CELF2: variants seen among roughly 807,000 people sequenced by gnomAD.
CELF2 encodes CUG triplet repeat RNA-binding protein 2.
Under a neutral mutation model 62.6 loss-of-function variants are expected in CELF2, and 8 were observed. The observed-to-expected ratio is 0.13, with a 90% confidence interval of 0.07 to 0.23. CELF2 has a LOEUF of 0.23. Among genes scored for constraint, CELF2 ranks in the 10% least tolerant of loss-of-function variants. CELF2 has a pLI of 1.00. For missense variants in CELF2, 333 were observed against 671.0 expected, an observed-to-expected ratio of 0.50 and a Z score of 5.56; for synonymous variants, 258 against 250.0, an observed-to-expected ratio of 1.03 and a Z score of -0.30.
intron 8 of CELF2, among the ~76,000 whole-genome samples, chr10:11,282,903 GC>G (rs1330006066): frequency 1.3e-5 from 2 of 152,190 alleles, no homozygotes; most frequent in East Asian, 3.9e-4. Context: ...GAAACGTGAG[GC>G]CCTGCCTCAC....
At chr10:10,758,581 A>G in the CELF2 span, among the ~76,000 whole-genome samples, 2 of 152,224 alleles carry the variant, frequency 1.3e-5, no homozygotes, top group African/African-American at 4.8e-5. Flanking sequence ...GTGTCTACAC[A>G]GAGTGGGAAT....
chr10:11,305,366 C>T lies in CELF2; in HGVS notation c.977-8773C>T, dbSNP rs570001470. ...AGTCCTCATGCCCACACCTGGGTGC[C>T]GGCGCCCATCCTGCATCCCTCACGG... On this transcript the variant is annotated intron_variant, in intron 9 of 12. Coordinates refer to ENST00000633077, the MANE Select transcript of CELF2 (RefSeq NM_001326342.2). The surrounding 1 kb of genome is among the most constrained non-coding windows in gnomAD (Gnocchi z 4.8). Among the ~76,000 whole-genome samples the T allele has an allele frequency of 7.9e-5, 12 of 152,286 alleles. No homozygotes were observed. Among genetic ancestry groups the T allele is most frequent in the African/African-American group, 2.4e-4 (10 of 41,568 alleles).
intron 3 of CELF2, among the ~76,000 whole-genome samples, chr10:11,230,895 G>C (rs1431905935): frequency 1.3e-5 from 2 of 152,238 alleles, no homozygotes; most frequent in African/African-American, 4.8e-5. Context: ...AAGCATCGGA[G>C]TGTAGAGTCC....
chr10:10,770,125 T>C, the CELF2 span, among the ~76,000 whole-genome samples: 20 of 152,238 alleles, frequency 1.3e-4, no homozygotes, highest in Admixed American at 6.5e-4. Flanking sequence ...TGATGAGAGC[T>C]TCTAGATGGA....
At chr10:11,069,847 G>A (rs113357778) in intron 1 of CELF2, among the ~76,000 whole-genome samples, 1 of 152,220 alleles carries the variant, frequency 6.6e-6, no homozygotes, top group Admixed American at 6.5e-5. Context: ...ATGCAGCTAC[G>A]AAAAGAACCA....
intron 2 of CELF2, among the ~76,000 whole-genome samples, chr10:10,994,907 G>T (rs893601134): frequency 7.2e-5 from 11 of 152,068 alleles, no homozygotes; most frequent in African/African-American, 1.9e-4. Context: ...AGTCTCCTCT[G>T]CAGGGCTATC....
At chr10:10,748,482 C>T in the CELF2 span, among the ~76,000 whole-genome samples, 10 of 152,208 alleles carry the variant, frequency 6.6e-5, no homozygotes, top group Admixed American at 1.3e-4. Flanking sequence ...GGCGCGGTGG[C>T]TCACGCCTGT....
the CELF2 span, among the ~76,000 whole-genome samples, chr10:10,616,295 G>GGTGTGT: frequency 7.0e-3 from 1,008 of 143,940 alleles, 12 homozygotes; most frequent in African/African-American, 0.02. Context: ...TTTTGTTTGG[G>GGTGTGT]GTGTGTGTGT....
At chr10:10,721,965 C>G in the CELF2 span, among the ~76,000 whole-genome samples, 4 of 152,140 alleles carry the variant, frequency 2.6e-5, no homozygotes, top group Non-Finnish European at 5.9e-5. Flanking sequence ...TTAAACGAGG[C>G]ATAGTTCAGG....
At chr10:11,093,250 A>C (rs919443223) in intron 1 of CELF2, among the ~76,000 whole-genome samples, 1 of 123,626 alleles carries the variant, frequency 8.1e-6, no homozygotes, top group Non-Finnish European at 1.7e-5. Context: ...TTATTGGGCC[A>C]CAGTTTGGTG....
the CELF2 span, among the ~76,000 whole-genome samples, chr10:10,595,766 T>C: frequency 1.3e-5 from 2 of 152,270 alleles, no homozygotes; most frequent in East Asian, 3.9e-4. Context: ...TATGATAGCA[T>C]GCACCTGTAG....
intron 2 of CELF2, among the ~76,000 whole-genome samples, chr10:11,180,550 C>T (rs555078134): frequency 1.3e-5 from 2 of 152,306 alleles, no homozygotes; most frequent in South Asian, 4.1e-4. Flanking sequence ...GAAGGGGGCC[C>T]TTCCAGGCTG....
At chr10:10,916,873 A>G (rs576328690) in intron 1 of CELF2, among the ~76,000 whole-genome samples, 43 of 151,100 alleles carry the variant, frequency 2.8e-4, no homozygotes, top group African/African-American at 9.0e-4. Flanking sequence ...TCTGCCTCCC[A>G]AAGTGCTGGG....
chr10:10,736,764 A>G, the CELF2 span, among the ~76,000 whole-genome samples: 6 of 152,146 alleles, frequency 3.9e-5, no homozygotes, highest in African/African-American at 1.2e-4. Context: ...TCAGATACCA[A>G]GAGGTTTTAC....
chr10:10,916,060 C>A (rs1055701316), intron 1 of CELF2, among the ~76,000 whole-genome samples: 1 of 152,220 alleles, frequency 6.6e-6, no homozygotes, highest in African/African-American at 2.4e-5. Flanking sequence ...TGGGTTATGA[C>A]AGAGCATAAT....
chr10:10,929,009 A>G (rs532839378), intron 2 of CELF2, among the ~76,000 whole-genome samples: 4 of 152,346 alleles, frequency 2.6e-5, no homozygotes, highest in South Asian at 2.1e-4. Flanking sequence ...TGGGAAGGGA[A>G]GGAGGAAGGA....
intron 1 of CELF2, among the ~76,000 whole-genome samples, chr10:10,857,898 T>C (rs548831426): frequency 5.3e-5 from 8 of 151,398 alleles, no homozygotes; most frequent in Admixed American, 2.0e-4. Context: ...AACACAACCA[T>C]AGGGAATTTG....
chr10:10,712,253 C>T, the CELF2 span, among the ~76,000 whole-genome samples: 1 of 151,594 alleles, frequency 6.6e-6, no homozygotes, highest in Admixed American at 6.6e-5. Flanking sequence ...ATCACACCCA[C>T]GTCCATCCAT....
intron 2 of CELF2, chr10:10,927,048 G>A (rs2065547081): frequency 6.6e-6 from 1 of 152,100 alleles, no homozygotes; most frequent in Non-Finnish European, 1.5e-5. Context: ...GGCCTCTGCA[G>A]GTTGAGGTGC....
Sources: gnomAD v4.1 joint callset for allele counts (sites outside exome capture counted in the v4.1 genomes callset) on GRCh38, gnomAD v4.1.1 for gene constraint, Gnocchi (gnomAD v3.1) non-coding constraint, MANE v1.5 for transcripts, NCBI Gene and HGNC (gene_info 2026-07-23, HGNC 2026-07-21) for gene names.